The following INTS7 variants were observed in gnomAD, a reference collection of about 807,000 sequenced individuals.
INTS7 encodes the protein integrator complex subunit 7, also known as chromosome 1 open reading frame 73.
INTS7 carries 46 observed loss-of-function variants against 109.2 expected under a neutral mutation model. The ratio of observed to expected loss-of-function variants is 0.42; its 90% CI spans 0.33 to 0.54. The LOEUF (loss-of-function observed/expected upper bound fraction) is 0.54. Among genes scored for constraint, INTS7 ranks in the 20% least tolerant of loss-of-function variants. INTS7 has a pLI of 0.07. For missense variants in INTS7, 929 were observed against 1,132.4 expected, an observed-to-expected ratio of 0.82 and a Z score of 2.58; for synonymous variants, 412 against 402.9, an observed-to-expected ratio of 1.02 and a Z score of -0.27.
intron 1 of INTS7, among the ~76,000 whole-genome samples, chr1:212,023,866 A>G (rs1203036023): frequency 2.6e-5 from 4 of 151,796 alleles, no homozygotes; most frequent in Non-Finnish European, 2.9e-5. Flanking sequence ...ACATTTGAAT[A>G]TTTAATCCAC....
At position 212,007,356 on chromosome 1, in the gene INTS7, A is replaced by T. The variant is rs776707823; in HGVS notation, c.650T>A (p.Leu217His). 1 of 1,614,058 alleles carries T rather than the reference A, an allele frequency of 6.2e-7. No homozygotes were observed. Among genetic ancestry groups the T allele is most frequent in the Non-Finnish European group, 8.5e-7 (1 of 1,179,920 alleles). Residue 217 changes from leucine (L) to histidine (H), a missense_variant, in exon 6 of 20, where the codon CTT becomes CAT. Transcript: ENST00000366994. ...DAILASSARQ[L>H]LQQLVTSYPS... Reference sequence around the variant, plus strand: ...ATAGGATGTGACCAGCTGTTGTAAAAGCTGACGAGCACTGGAAGCCAAGAT... The same window carrying T: ...ATAGGATGTGACCAGCTGTTGTAAATGCTGACGAGCACTGGAAGCCAAGAT...
chr1:211,978,344 C>T lies in INTS7; in HGVS notation c.1398G>A (p.Gly466=). 1 of 1,614,190 alleles carries T rather than the reference C, an allele frequency of 6.2e-7. No homozygotes were observed. Among genetic ancestry groups the T allele is most frequent in the Non-Finnish European group, 8.5e-7 (1 of 1,180,032 alleles). ...ACAGCTCCATGAGGTCACCAAGCAT[C>T]CCATCACCCAGCACCGGCAGTTGCA... ...IAMQLPVLGD[G]MLGDLMELYK... Residue 466 remains glycine (G), a synonymous_variant, in exon 11 of 20, where the codon GGG becomes GGA. Coordinates refer to ENST00000366994, the MANE Select transcript of INTS7 (RefSeq NM_015434.4).
chr1:211,956,220 G>GT (rs1443176432), intron 16 of INTS7, among the ~76,000 whole-genome samples: 1 of 152,164 alleles, frequency 6.6e-6, no homozygotes, highest in African/African-American at 2.4e-5. Context: ...GACTACGTGA[G>GT]TATTTCTGGA....
chr1:212,017,837 G>A (rs922083420), intron 3 of INTS7, among the ~76,000 whole-genome samples: 1 of 152,204 alleles, frequency 6.6e-6, no homozygotes, highest in South Asian at 2.1e-4. Flanking sequence ...ACTGTTCCTA[G>A]TACTGTTAAA....
In INTS7 at chr1:211,942,456, C is replaced by G. The variant is rs1004372317; in HGVS notation, c.2602-345G>C. 2.6e-5 allele frequency among the ~76,000 whole-genome samples: 4 copies of G among 152,152 alleles called. No individual in the cohort carries two copies. Among genetic ancestry groups the G allele is most frequent in the African/African-American group, 9.7e-5 (4 of 41,432 alleles). ...TGCTGGCCTTTCTTCCTTGCTTACT[C>G]AACCCCATCTCTAAATCCCTATCTT... On this transcript the variant is annotated intron_variant, in intron 19 of 19. Coordinates refer to ENST00000366994, the MANE Select transcript of INTS7 (RefSeq NM_015434.4). The surrounding 1 kb of genome is among the most constrained non-coding windows in gnomAD (Gnocchi z 4.2).
At chr1:211,943,074 G>T (rs141045337) in intron 19 of INTS7, among the ~76,000 whole-genome samples, 163 of 152,162 alleles carry the variant, frequency 1.1e-3, no homozygotes, top group African/African-American at 3.9e-3. Flanking sequence ...ATTATTTATA[G>T]TACAGGTACT....
chr1:212,016,818 A>C, intron 4 of INTS7, 68 bp downstream of exon 4: 1 of 1,239,844 alleles, frequency 8.1e-7, no homozygotes, highest in Non-Finnish European at 1.1e-6. Flanking sequence ...TAAGTTGATC[A>C]GTTTTTCCTT....
At chr1:211,982,337 T>C (rs549508368) in intron 9 of INTS7, among the ~76,000 whole-genome samples, 4 of 152,282 alleles carry the variant, frequency 2.6e-5, no homozygotes, top group Admixed American at 2.0e-4. Flanking sequence ...TTCTAGGTTT[T>C]TGTATAAGTG....
intron 1 of INTS7, among the ~76,000 whole-genome samples, chr1:212,022,206 A>G (rs1246020081): frequency 6.6e-6 from 1 of 152,262 alleles, no homozygotes; most frequent in African/African-American, 2.4e-5. Flanking sequence ...AAAATTATAA[A>G]CTATGTAGAA....
At chr1:211,985,952 T>C (rs1016169912) in intron 8 of INTS7, among the ~76,000 whole-genome samples, 8 of 152,192 alleles carry the variant, frequency 5.3e-5, no homozygotes, top group Non-Finnish European at 1.2e-4. Context: ...CCTAGGTATA[T>C]GGTACGTTGT....
intron 1 of INTS7, among the ~76,000 whole-genome samples, chr1:212,033,556 T>C (rs1432500183): frequency 6.6e-6 from 1 of 152,222 alleles, no homozygotes; most frequent in East Asian, 1.9e-4. Context: ...GGTTTTTTTC[T>C]TACAACTGCA....
intron 16 of INTS7, among the ~76,000 whole-genome samples, chr1:211,956,262 T>C (rs1382095362): frequency 6.6e-6 from 1 of 152,230 alleles, no homozygotes; most frequent in African/African-American, 2.4e-5. Flanking sequence ...CATCATCACA[T>C]TGTCTTAGTT....
chr1:211,948,535 G>A (rs557318732), intron 17 of INTS7, among the ~76,000 whole-genome samples: 2 of 152,280 alleles, frequency 1.3e-5, no homozygotes, highest in African/African-American at 4.8e-5. Context: ...TTAAAAGAAT[G>A]GTGCAGATTT....
intron 4 of INTS7, among the ~76,000 whole-genome samples, chr1:212,015,896 C>CT (rs1056864077): frequency 5.3e-5 from 8 of 151,654 alleles, no homozygotes; most frequent in African/African-American, 1.9e-4. Context: ...TCCTTCTAGT[C>CT]TTTTTTTCTA....
intron 16 of INTS7, chr1:211,966,095 G>C (rs1420858137): frequency 1.2e-5 from 2 of 166,910 alleles, no homozygotes; most frequent in Non-Finnish European, 2.6e-5. Flanking sequence ...GGGATATTTT[G>C]GTTTAAGAAG....
At chr1:211,976,560 C>G (rs770803749) in intron 12 of INTS7, 22 bp downstream of exon 12, 1 of 1,594,498 alleles carries the variant, frequency 6.3e-7, no homozygotes, top group South Asian at 1.1e-5. Flanking sequence ...CAACCCAGTT[C>G]ACTCAGAAGG....
intron 2 of INTS7, among the ~76,000 whole-genome samples, chr1:212,020,539 A>G (rs1666643902): frequency 6.6e-6 from 1 of 152,158 alleles, no homozygotes; most frequent in Admixed American, 6.5e-5. Context: ...AAACTATATT[A>G]TAACCAAGGC....
intron 7 of INTS7, among the ~76,000 whole-genome samples, chr1:211,998,663 GA>G (rs1200458419): frequency 7.0e-6 from 1 of 143,046 alleles, no homozygotes; most frequent in Non-Finnish European, 1.6e-5. Context: ...ACCTATAAAA[GA>G]AAAAAACATT....
rs113505491 is a variant in INTS7, at chr1:211,948,732, G to C, written c.2317-2027C>G. On this transcript the variant is annotated intron_variant, in intron 17 of 19. Transcript: ENST00000366994. ...TTGTTTTGTTTTGTTTTTTGAGACGGAGTCTCTCTCTGTTGCCCAAGCTGG... is the reference window on the plus strand; with the variant it reads ...TTGTTTTGTTTTGTTTTTTGAGACGCAGTCTCTCTCTGTTGCCCAAGCTGG... Among the ~76,000 whole-genome samples the C allele has an allele frequency of 7.2e-5, 11 of 152,298 alleles. 1 individual carries two copies. Among genetic ancestry groups the C allele is most frequent in the African/African-American group, 2.6e-4 (11 of 41,558 alleles).
Sources: gnomAD v4.1 joint callset for allele counts (sites outside exome capture counted in the v4.1 genomes callset) on GRCh38, gnomAD v4.1.1 for gene constraint, Gnocchi (gnomAD v3.1) non-coding constraint, MANE v1.5 for transcripts, NCBI Gene and HGNC (gene_info 2026-07-23, HGNC 2026-07-21) for gene names.